The following ZC4H2 variants were observed in gnomAD, a reference collection of about 807,000 sequenced individuals.
ZC4H2 encodes zinc finger C4H2 domain-containing protein.
For missense variants in ZC4H2, 137 were observed against 173.9 expected, an observed-to-expected ratio of 0.79 and a Z score of 1.19; for synonymous variants, 84 against 66.3, an observed-to-expected ratio of 1.27 and a Z score of -1.30.
intron 1 of ZC4H2, among the ~76,000 whole-genome samples, chrX:64,934,149 C>T (rs564556035): frequency 8.9e-6 from 1 of 112,057 alleles, no homozygotes. Flanking sequence ...ATTCTTTTGT[C>T]CCACAGGGTG....
intron 1 of ZC4H2, among the ~76,000 whole-genome samples, chrX:64,928,970 C>T (rs897254122): frequency 1.9e-5 from 2 of 105,587 alleles, no homozygotes; most frequent in African/African-American, 7.0e-5. Flanking sequence ...CTCACTGCAA[C>T]CTCCACCTCT....
intron 1 of ZC4H2, among the ~76,000 whole-genome samples, chrX:64,973,264 G>A (rs1931838636): frequency 9.1e-6 from 1 of 109,754 alleles, no homozygotes; most frequent in Non-Finnish European, 1.9e-5. Context: ...GTGGGTGACT[G>A]GAGCATTTTT....
intron 1 of ZC4H2, among the ~76,000 whole-genome samples, chrX:64,946,694 A>C (rs1930552594): frequency 1.8e-5 from 2 of 111,289 alleles, no homozygotes; most frequent in Admixed American, 1.9e-4. Flanking sequence ...GGATAGATAA[A>C]TAGATAGATA....
intron 1 of ZC4H2, among the ~76,000 whole-genome samples, chrX:65,013,502 AT>A (rs200499243): frequency 3.6e-5 from 4 of 110,842 alleles, no homozygotes; most frequent in African/African-American, 6.6e-5. Flanking sequence ...CTCTTTATTG[AT>A]TTTTTTTAGC....
intron 1 of ZC4H2, among the ~76,000 whole-genome samples, chrX:64,995,488 T>C (rs1932395230): frequency 8.9e-6 from 1 of 112,081 alleles, no homozygotes; most frequent in Non-Finnish European, 1.9e-5. Flanking sequence ...GCTTCCCCAG[T>C]AGCTGGGACC....
At chrX:64,959,585 C>A (rs1931295704) in intron 1 of ZC4H2, among the ~76,000 whole-genome samples, 1 of 108,475 alleles carries the variant, frequency 9.2e-6, no homozygotes, top group Non-Finnish European at 1.9e-5. Flanking sequence ...AGTTCTTCTT[C>A]ATACAAAATA....
At chrX:64,959,858 C>G (rs942461815) in intron 1 of ZC4H2, among the ~76,000 whole-genome samples, 2 of 110,987 alleles carry the variant, frequency 1.8e-5, no homozygotes, top group Non-Finnish European at 3.8e-5. Flanking sequence ...CACACCCTGA[C>G]TTTACATTTT....
rs748918005 is a variant in ZC4H2, at chrX:64,950,058, C to T, written c.53+26267G>A. 1.8e-3 allele frequency among the ~76,000 whole-genome samples: 203 copies of T among 111,888 alleles called. 2 individuals carry two copies. The highest frequency in any genetic ancestry group is 6.4e-3 in the African/African-American group (197 of 30,811). On this transcript the variant is annotated intron_variant, in intron 1 of 4. Coordinates refer to ENST00000374839, the MANE Select transcript of ZC4H2 (RefSeq NM_018684.4). ...TTCTGGTATGTTGTATCTTTGTTCACGTTGGTTTCAAAGAACATCTTTATT... is the reference window on the plus strand; with the variant it reads ...TTCTGGTATGTTGTATCTTTGTTCATGTTGGTTTCAAAGAACATCTTTATT...
At chrX:65,009,992 T>C (rs1398824560) in intron 1 of ZC4H2, among the ~76,000 whole-genome samples, 2 of 112,091 alleles carry the variant, frequency 1.8e-5, no homozygotes, top group Non-Finnish European at 3.8e-5. Context: ...AATGCCAGAA[T>C]TTGTGAAGAC....
intron 1 of ZC4H2, among the ~76,000 whole-genome samples, chrX:64,926,377 G>A (rs893192900): frequency 1.6e-4 from 18 of 111,996 alleles, no homozygotes; most frequent in African/African-American, 5.9e-4. Flanking sequence ...GAATATCCAT[G>A]TACAAGTTTT....
chrX:64,988,058 A>G (rs1932227328), intron 1 of ZC4H2, among the ~76,000 whole-genome samples: 1 of 109,627 alleles, frequency 9.1e-6, no homozygotes, highest in African/African-American at 3.3e-5. Context: ...TACAAAGGAC[A>G]TGAACTCATC....
chrX:65,029,972 T>A (rs1932918361), intron 1 of ZC4H2, among the ~76,000 whole-genome samples: 1 of 111,067 alleles, frequency 9.0e-6, no homozygotes, highest in South Asian at 3.8e-4. Context: ...TCAATTTGCG[T>A]TAAAAGGTCA....
intron 1 of ZC4H2, among the ~76,000 whole-genome samples, chrX:65,019,168 C>A (rs1932817346): frequency 8.9e-6 from 1 of 111,856 alleles, no homozygotes; most frequent in East Asian, 2.8e-4. Context: ...TCACCCAGGA[C>A]AGCATTCAAG....
At chrX:64,989,355 G>A (rs934336475) in intron 1 of ZC4H2, among the ~76,000 whole-genome samples, 1 of 111,895 alleles carries the variant, frequency 8.9e-6, no homozygotes, top group African/African-American at 3.3e-5. Context: ...CCATGAGCAT[G>A]GAATGTTCTT....
At chrX:64,968,959 G>A in intron 1 of ZC4H2, among the ~76,000 whole-genome samples, 1 of 111,791 alleles carries the variant, frequency 8.9e-6, no homozygotes, top group Non-Finnish European at 1.9e-5. Flanking sequence ...ATTTTCAAGA[G>A]GGAGTGAATG....
At chrX:64,947,877 C>T (rs1930614861) in intron 1 of ZC4H2, among the ~76,000 whole-genome samples, 1 of 109,552 alleles carries the variant, frequency 9.1e-6, no homozygotes, top group African/African-American at 3.3e-5. Context: ...AATCTTCTTC[C>T]ATGAAGTGGC....
chrX:64,963,420 A>C (rs1931474817), intron 1 of ZC4H2, among the ~76,000 whole-genome samples: 3 of 112,047 alleles, frequency 2.7e-5, no homozygotes, highest in Admixed American at 9.5e-5. Flanking sequence ...ACAAAAGCAA[A>C]AATGACCAAG....
At chrX:64,965,949 C>CAAAAAAAAAA (rs148777993) in intron 1 of ZC4H2, among the ~76,000 whole-genome samples, 77 of 37,555 alleles carry the variant, frequency 2.1e-3, no homozygotes, top group East Asian at 3.2e-3. Flanking sequence ...AACAAAGAAG[C>CAAAAAAAAAA]AAAAAAAAAA....
chrX:65,012,798 T>A (rs755096485), intron 1 of ZC4H2, among the ~76,000 whole-genome samples: 2 of 111,840 alleles, frequency 1.8e-5, no homozygotes, highest in South Asian at 3.7e-4. Flanking sequence ...AGGACTAACA[T>A]TTCAGTGACC....
Sources: gnomAD v4.1 joint callset for allele counts (sites outside exome capture counted in the v4.1 genomes callset) on GRCh38, gnomAD v4.1.1 for gene constraint, MANE v1.5 for transcripts, NCBI Gene and HGNC (gene_info 2026-07-23, HGNC 2026-07-21) for gene names.